SUPT3H: variants seen among roughly 807,000 people sequenced by gnomAD.
SUPT3H encodes the protein SPT3 homolog, SAGA and STAGA complex component.
A neutral mutation model predicts 44.3 loss-of-function variants in SUPT3H; 44 were observed. The observed-to-expected ratio is 0.99, with a 90% CI of 0.78 to 1.28. The LOEUF (loss-of-function observed/expected upper bound fraction) is 1.28. Ranked by LOEUF, SUPT3H falls within the 50% of genes most tolerant of loss-of-function variation. The pLI, the probability that SUPT3H is intolerant of heterozygous loss-of-function variation, is 0.00. For missense variants in SUPT3H, 380 were observed against 387.1 expected, an observed-to-expected ratio of 0.98 and a Z score of 0.15; for synonymous variants, 124 against 125.6, an observed-to-expected ratio of 0.99 and a Z score of 0.09.
At chr6:45,325,374 A>T (rs752212162) in intron 2 of SUPT3H, among the ~76,000 whole-genome samples, 18 of 151,902 alleles carry the variant, frequency 1.2e-4, no homozygotes, top group Non-Finnish European at 2.1e-4. Context: ...GGTTACAATG[A>T]AGACACACAT....
intron 2 of SUPT3H, among the ~76,000 whole-genome samples, chr6:45,131,974 C>T (rs1466955469): frequency 6.6e-6 from 1 of 151,964 alleles, no homozygotes; most frequent in Admixed American, 6.6e-5. Context: ...TATAAATACC[C>T]ATAATAAAGT....
intron 3 of SUPT3H, among the ~76,000 whole-genome samples, chr6:45,041,899 T>C (rs1788591445): frequency 6.6e-6 from 1 of 152,186 alleles, no homozygotes; most frequent in African/African-American, 2.4e-5. Flanking sequence ...ATTATGGGCT[T>C]ATCCTACAAA....
At chr6:45,077,363 A>C (rs1360705368) in intron 3 of SUPT3H, among the ~76,000 whole-genome samples, 1 of 152,132 alleles carries the variant, frequency 6.6e-6, no homozygotes, top group African/African-American at 2.4e-5. Flanking sequence ...ATGGTGGCTC[A>C]TGCCTATAAT....
At chr6:45,271,339 T>C (rs1344331719) in intron 2 of SUPT3H, among the ~76,000 whole-genome samples, 1 of 152,200 alleles carries the variant, frequency 6.6e-6, no homozygotes, top group East Asian at 1.9e-4. Flanking sequence ...AATGGTTTCC[T>C]GGGCCAGGCC....
intron 2 of SUPT3H, among the ~76,000 whole-genome samples, chr6:45,363,720 A>C (rs1444254868): frequency 1.3e-5 from 2 of 152,118 alleles, no homozygotes; most frequent in South Asian, 2.1e-4. Context: ...AACACTTATA[A>C]TTTTCCATAA....
At chr6:44,886,883 C>T (rs1029160664) in intron 10 of SUPT3H, among the ~76,000 whole-genome samples, 5 of 152,080 alleles carry the variant, frequency 3.3e-5, no homozygotes, top group African/African-American at 7.2e-5. Flanking sequence ...ATCTCACATG[C>T]GGAGACACAC....
At chr6:45,320,723 C>G (rs1490676698) in intron 2 of SUPT3H, among the ~76,000 whole-genome samples, 1 of 152,124 alleles carries the variant, frequency 6.6e-6, no homozygotes, top group African/African-American at 2.4e-5. Context: ...TATTTACTAC[C>G]TGGCCTTTTA....
chr6:45,293,364 A>G (rs556226302), intron 2 of SUPT3H, among the ~76,000 whole-genome samples: 1 of 152,286 alleles, frequency 6.6e-6, no homozygotes, highest in African/African-American at 2.4e-5. Context: ...TCATAGCCCT[A>G]AACACCAACA....
chr6:45,001,074 A>G (rs1337381215), intron 6 of SUPT3H, among the ~76,000 whole-genome samples: 1 of 152,032 alleles, frequency 6.6e-6, no homozygotes. Flanking sequence ...ACTCAAAGCT[A>G]TTTGAAGCTT....
intron 2 of SUPT3H, among the ~76,000 whole-genome samples, chr6:45,187,978 C>T (rs1814526178): frequency 6.6e-6 from 1 of 152,068 alleles, no homozygotes. Context: ...AATTGCATAC[C>T]ATTCTGGGTA....
intron 2 of SUPT3H, among the ~76,000 whole-genome samples, chr6:45,135,566 G>A (rs1163822647): frequency 6.6e-6 from 1 of 152,048 alleles, no homozygotes; most frequent in Non-Finnish European, 1.5e-5. Context: ...GAAGCCCTAG[G>A]GCATGGACAC....
intron 1 of SUPT3H, among the ~76,000 whole-genome samples, chr6:45,376,780 C>G (rs529460656): frequency 6.6e-6 from 1 of 152,298 alleles, no homozygotes; most frequent in South Asian, 2.1e-4. Context: ...CTTTGCAGGG[C>G]GAATTTAATT....
At chr6:44,842,582 TTTAA>T (rs1412488713) in intron 10 of SUPT3H, among the ~76,000 whole-genome samples, 2 of 152,038 alleles carry the variant, frequency 1.3e-5, no homozygotes, top group African/African-American at 4.8e-5. Flanking sequence ...CTATAAATCA[TTTAA>T]AGGCTTTTCA....
At chr6:44,945,007 A>G (rs976805476) in intron 9 of SUPT3H, among the ~76,000 whole-genome samples, 1 of 151,796 alleles carries the variant, frequency 6.6e-6, no homozygotes, top group Non-Finnish European at 1.5e-5. Context: ...TATCAGTGCC[A>G]TTTTTCCAAA....
chr6:45,279,088 G>C (rs935653197), intron 2 of SUPT3H, among the ~76,000 whole-genome samples: 50 of 152,020 alleles, frequency 3.3e-4, no homozygotes, highest in African/African-American at 1.2e-3. Flanking sequence ...TTTAATTCTC[G>C]ATTAAGATAC....
At chr6:45,144,700 A>G (rs1486827921) in intron 2 of SUPT3H, among the ~76,000 whole-genome samples, 1 of 152,082 alleles carries the variant, frequency 6.6e-6, no homozygotes, top group Non-Finnish European at 1.5e-5. Context: ...TGAATTGGTA[A>G]AGAGGAAGTC....
At chr6:45,083,374 T>C (rs1312691974) in intron 3 of SUPT3H, among the ~76,000 whole-genome samples, 2 of 151,844 alleles carry the variant, frequency 1.3e-5, no homozygotes, top group Non-Finnish European at 2.9e-5. Context: ...GTATTTTTAA[T>C]AGAGACAGGG....
intron 6 of SUPT3H, among the ~76,000 whole-genome samples, chr6:44,975,103 G>A (rs557554668): frequency 3.3e-5 from 5 of 152,002 alleles, no homozygotes; most frequent in African/African-American, 4.8e-5. Context: ...CCCAGGAGGC[G>A]GAGGGTGCAG....
chr6:44,820,899 G>A (rs1468056563), intron 11 of SUPT3H, among the ~76,000 whole-genome samples: 5 of 152,174 alleles, frequency 3.3e-5, no homozygotes, highest in Non-Finnish European at 7.3e-5. Context: ...TGCCCAGGTT[G>A]GAGTGCAATG....
Sources: allele counts gnomAD v4.1 joint callset (sites outside exome capture counted in the v4.1 genomes callset), GRCh38; gene constraint gnomAD v4.1.1; transcripts MANE v1.5; gene names NCBI Gene and HGNC (gene_info 2026-07-23, HGNC 2026-07-21).